Variants in ZNF469 observed in about 807,000 individuals in gnomAD.
ZNF469 encodes the protein zinc finger protein 469.
ZNF469 carries 1 observed loss-of-function variant against 1.0 expected under a neutral mutation model. The observed-to-expected ratio is 1.00, with a 90% CI of 0.35 to 4.73. The LOEUF is 4.73. Among genes scored for constraint, ZNF469 ranks in the 30% most tolerant of loss-of-function variants. The pLI, the probability that ZNF469 is intolerant of heterozygous loss-of-function variation, is 0.16. For synonymous variants in ZNF469, 2,703 were observed against 2,363.4 expected (o/e 1.14, Z -4.17); for missense variants, 6,100 against 5,356.3 (o/e 1.14, Z -4.33).
the ZNF469 span, among the ~76,000 whole-genome samples, chr16:88,110,211 G>A: frequency 3.3e-5 from 5 of 152,278 alleles, no homozygotes; most frequent in South Asian, 4.1e-4. Context: ...CCCAGTACCC[G>A]TCAGAACCCC....
At chr16:88,269,453 C>T in the ZNF469 span, among the ~76,000 whole-genome samples, 8 of 152,138 alleles carry the variant, frequency 5.3e-5, no homozygotes, top group African/African-American at 1.4e-4. Context: ...CCCTGCAGCA[C>T]ATTCTTTTTC....
the ZNF469 span, among the ~76,000 whole-genome samples, chr16:88,242,592 T>C: frequency 6.6e-6 from 1 of 152,252 alleles, no homozygotes. Context: ...GGGTTAGGAC[T>C]TCTACATGTG....
chr16:88,178,099 A>C, the ZNF469 span: 1 of 152,014 alleles, frequency 6.6e-6, no homozygotes, highest in East Asian at 1.9e-4. Context: ...TGACTTTTTC[A>C]CTCTCATAGG....
the ZNF469 span, among the ~76,000 whole-genome samples, chr16:88,325,698 C>G: frequency 8.5e-5 from 13 of 152,228 alleles, no homozygotes; most frequent in Admixed American, 8.5e-4. Context: ...GTGACTTGTT[C>G]AATGTCACCC....
chr16:88,283,363 T>G, the ZNF469 span, among the ~76,000 whole-genome samples: 9 of 151,780 alleles, frequency 5.9e-5, no homozygotes, highest in African/African-American at 9.7e-5. Context: ...TGAAGTGTGT[T>G]GGGGAGGTGT....
chr16:88,327,588 C>T, the ZNF469 span, among the ~76,000 whole-genome samples: 2 of 152,146 alleles, frequency 1.3e-5, no homozygotes, highest in African/African-American at 2.4e-5. Flanking sequence ...GGCTGCGTCA[C>T]CGGCAGCAGG....
At position 88,438,033 on chromosome 16, in the gene ZNF469, G is replaced by A. The variant is rs939484240; in HGVS notation, c.10563G>A (p.Lys3521=). ...LCSEVAPSTT[K]GWPETLERPV... is the part of the protein sequence containing the mutation. ...CGGAGGTGGCTCCCAGCACCACCAAGGGATGGCCCGAGACCCTAGAGAGGC... is the reference window on the plus strand; with the variant it reads ...CGGAGGTGGCTCCCAGCACCACCAAAGGATGGCCCGAGACCCTAGAGAGGC... Residue 3521 remains lysine, a synonymous_variant, in exon 3 of 3, where the codon AAG becomes AAA. Coordinates refer to ENST00000565624, the MANE Select transcript of ZNF469 (RefSeq NM_001367624.2). 3 of 1,550,124 alleles carry A rather than the reference G, an allele frequency of 1.9e-6. No individual in the cohort carries two copies. The highest frequency in any genetic ancestry group is 1.7e-6 in the Non-Finnish European group (2 of 1,146,932).
At chr16:88,393,392 C>G (rs1567499110) in intron 1 of ZNF469, among the ~76,000 whole-genome samples, 1 of 152,248 alleles carries the variant, frequency 6.6e-6, no homozygotes, top group Non-Finnish European at 1.5e-5. Context: ...TCCACACCAG[C>G]AGCCTGCTTT....
the ZNF469 span, among the ~76,000 whole-genome samples, chr16:88,311,150 T>C: frequency 3.3e-5 from 5 of 152,212 alleles, no homozygotes; most frequent in Non-Finnish European, 7.3e-5. Context: ...TTCTCATGGT[T>C]AGACTACAGC....
At chr16:88,102,268 G>A in the ZNF469 span, among the ~76,000 whole-genome samples, 1 of 152,220 alleles carries the variant, frequency 6.6e-6, no homozygotes, top group African/African-American at 2.4e-5. Flanking sequence ...TGTAATCCCA[G>A]CACTTTGGGA....
intron 1 of ZNF469, among the ~76,000 whole-genome samples, chr16:88,383,960 C>T (rs2092531763): frequency 2.6e-5 from 4 of 151,840 alleles, no homozygotes; most frequent in African/African-American, 9.7e-5. Context: ...CAATGGGGCT[C>T]GGGGGACTCC....
the ZNF469 span, chr16:88,101,053 C>T: frequency 2.8e-4 from 61 of 216,130 alleles, no homozygotes; most frequent in Non-Finnish European, 4.6e-4. Context: ...CCGGCAGACA[C>T]GCCTGCTCGC....
chr16:88,435,843 G>A lies in ZNF469; in HGVS notation c.8373G>A (p.Glu2791=). Residue 2791 remains glutamate (E), a synonymous_variant, in exon 3 of 3, where the codon GAG becomes GAA. Transcript: ENST00000565624. The stretch of plus-strand genomic sequence containing the variant: ...GCCGATCAGAGGAAGGTGTCTGGGA[G>A]GAGAACACGCCCCCCTTGGGCCCCC... ...AHSRSEEGVW[E]ENTPPLGPLG... is the part of the protein sequence containing the mutation. The A allele has an allele frequency of 6.4e-7, 1 of 1,550,482 alleles. No homozygotes were observed. The highest frequency in any genetic ancestry group is 8.7e-7 in the Non-Finnish European group (1 of 1,146,966).
chr16:88,175,757 C>T, the ZNF469 span, among the ~76,000 whole-genome samples: 1 of 152,132 alleles, frequency 6.6e-6, no homozygotes, highest in Non-Finnish European at 1.5e-5. Context: ...GGTCCCAAAT[C>T]AATTATCACC....
chr16:88,274,020 G>T, the ZNF469 span, among the ~76,000 whole-genome samples: 7 of 152,250 alleles, frequency 4.6e-5, no homozygotes, highest in African/African-American at 1.7e-4. Flanking sequence ...GGCCATGATG[G>T]TCTCGATCTC....
At chr16:88,258,899 A>C in the ZNF469 span, among the ~76,000 whole-genome samples, 8 of 152,156 alleles carry the variant, frequency 5.3e-5, no homozygotes, top group African/African-American at 1.9e-4. Flanking sequence ...TGCCCAACCC[A>C]CACAGCAGGT....
chr16:88,381,168 TCA>T (rs1232479437), upstream of ZNF469, among the ~76,000 whole-genome samples: 253 of 75,708 alleles, frequency 3.3e-3, 3 homozygotes, highest in African/African-American at 0.013. Context: ...AGACACGCCC[TCA>T]CACACAGACA....
chr16:88,186,174 G>T, the ZNF469 span, among the ~76,000 whole-genome samples: 25 of 152,244 alleles, frequency 1.6e-4, no homozygotes, highest in African/African-American at 5.8e-4. Context: ...CACAAGGTGG[G>T]TGTGGGTGGG....
At chr16:88,324,132 G>A in the ZNF469 span, among the ~76,000 whole-genome samples, 258 of 152,316 alleles carry the variant, frequency 1.7e-3, 2 homozygotes, top group African/African-American at 5.8e-3. Flanking sequence ...TGTGGTCAGC[G>A]CCTCCCCACG....
Sources: allele counts gnomAD v4.1 joint callset (sites outside exome capture counted in the v4.1 genomes callset), GRCh38; gene constraint gnomAD v4.1.1; transcripts MANE v1.5; gene names NCBI Gene and HGNC (gene_info 2026-07-23, HGNC 2026-07-21).